The following PLXDC2 variants were observed in gnomAD, a reference collection of about 807,000 sequenced individuals.
The protein encoded by PLXDC2 is plexin domain-containing protein 2.
A neutral mutation model predicts 68.9 loss-of-function variants in PLXDC2; 40 were observed. The ratio of observed to expected loss-of-function variants is 0.58; its 90% CI spans 0.45 to 0.76. PLXDC2 has a LOEUF of 0.76. PLXDC2 is among the 30% of genes least tolerant of loss of function. The pLI is 0.00. For synonymous variants in PLXDC2, 243 were observed against 234.2 expected (o/e 1.04, Z -0.34); for missense variants, 644 against 661.9 (o/e 0.97, Z 0.30).
chr10:19,993,512 C>T (rs1271341075), intron 1 of PLXDC2, among the ~76,000 whole-genome samples: 13 of 152,106 alleles, frequency 8.5e-5, no homozygotes, highest in African/African-American at 9.7e-5. Flanking sequence ...CTCTGCCTCC[C>T]GGGTTCAAGC....
At chr10:19,980,075 C>T (rs980412868) in intron 1 of PLXDC2, among the ~76,000 whole-genome samples, 4 of 152,184 alleles carry the variant, frequency 2.6e-5, no homozygotes, top group Admixed American at 6.5e-5. Context: ...CCTCTGACTT[C>T]GTGTTTCAAT....
intron 1 of PLXDC2, among the ~76,000 whole-genome samples, chr10:19,857,318 G>T (rs1485518728): frequency 6.6e-6 from 1 of 152,000 alleles, no homozygotes; most frequent in Non-Finnish European, 1.5e-5. Context: ...ATCCTCTCTC[G>T]CTGTCCTCTA....
chr10:20,076,699 T>C (rs1836456894), intron 4 of PLXDC2, among the ~76,000 whole-genome samples: 1 of 152,214 alleles, frequency 6.6e-6, no homozygotes, highest in Non-Finnish European at 1.5e-5. Flanking sequence ...TCAAGGAGTG[T>C]TTAGGAACCT....
chr10:19,928,608 G>T (rs1833578010), intron 1 of PLXDC2, among the ~76,000 whole-genome samples: 1 of 152,176 alleles, frequency 6.6e-6, no homozygotes, highest in South Asian at 2.1e-4. Flanking sequence ...AGAGATCCAG[G>T]CCACCCCTTG....
chr10:19,939,691 T>C (rs1833785081), intron 1 of PLXDC2, among the ~76,000 whole-genome samples: 1 of 152,072 alleles, frequency 6.6e-6, no homozygotes, highest in African/African-American at 2.4e-5. Flanking sequence ...TTTGTACCTA[T>C]CCAAAGAAAG....
At chr10:20,013,710 G>T (rs540699536) in intron 2 of PLXDC2, among the ~76,000 whole-genome samples, 87 of 152,164 alleles carry the variant, frequency 5.7e-4, no homozygotes, top group African/African-American at 2.0e-3. Context: ...CAATTCATTT[G>T]TCCATTGTAA....
chr10:19,874,920 T>A lies in PLXDC2; in HGVS notation c.112+57729T>A, dbSNP rs1389298091. ...TGGCACCTGTTCTTCGAGGTTCTTG[T>A]GCAAGGCTAAGGAATGTAACCTACT... is the stretch of plus-strand genomic sequence containing the variant. On this transcript the variant is annotated intron_variant, in intron 1 of 13. Transcript: ENST00000377252. 2.0e-5 allele frequency among the ~76,000 whole-genome samples: 3 copies of A among 152,110 alleles called. No individual in the cohort carries two copies. In the East Asian group the frequency reaches 5.8e-4, roughly 29 times the overall value.
chr10:20,091,978 C>T (rs1046330765), intron 4 of PLXDC2, among the ~76,000 whole-genome samples: 1 of 152,228 alleles, frequency 6.6e-6, no homozygotes, highest in African/African-American at 2.4e-5. Flanking sequence ...ACAGTTAATA[C>T]ATATTCACTG....
At chr10:19,888,045 T>C (rs921988963) in intron 1 of PLXDC2, among the ~76,000 whole-genome samples, 5 of 152,226 alleles carry the variant, frequency 3.3e-5, no homozygotes, top group Non-Finnish European at 1.5e-5. Context: ...ACTCCACTTC[T>C]GACATGCAAG....
rs1837007727 is a variant in PLXDC2 at position 19,846,236 on chromosome 10, G to A, written c.112+29045G>A. Among the ~76,000 whole-genome samples, 3 of 152,126 alleles carry A rather than the reference G, an allele frequency of 2.0e-5. No individual in the cohort carries two copies. The South Asian group carries it at 6.2e-4, about 32-fold the overall frequency. ...AGTAATTTGGATCTGTTAGTGGCAG[G>A]AAAGCTGTTTTTAGGGGAGGAGAAG... On this transcript the variant is annotated intron_variant, in intron 1 of 13. Coordinates refer to ENST00000377252, the MANE Select transcript of PLXDC2 (RefSeq NM_032812.9).
rs375622151 is a variant in PLXDC2 at position 20,177,015 on chromosome 10, A to T, written c.900A>T (p.Thr300=). The change falls in exon 8 of 14, where the codon ACA becomes ACT. Residue 300 remains threonine, a synonymous_variant. Transcript: ENST00000377252. The part of the protein sequence containing the change: ...IQQIPNVRRR[T]IYEYHRVELQ... ...TTTTTCTAGATGTTCGAAGAAGAAC[A>T]ATTTATGAATACCACCGAGTAGAGC... 8.7e-6 allele frequency: 14 copies of T among 1,605,324 alleles called. No homozygotes were observed. The highest frequency in any genetic ancestry group is 1.2e-5 in the Non-Finnish European group (14 of 1,177,096).
chr10:20,050,729 A>C (rs550758109), intron 3 of PLXDC2, among the ~76,000 whole-genome samples: 9 of 152,188 alleles, frequency 5.9e-5, no homozygotes, highest in East Asian at 1.9e-4. Context: ...AACAAACAAA[A>C]AAAAACAGAT....
intron 13 of PLXDC2, among the ~76,000 whole-genome samples, chr10:20,249,946 C>T (rs1835652054): frequency 2.0e-5 from 3 of 152,100 alleles, no homozygotes; most frequent in African/African-American, 7.2e-5. Context: ...AGTTCCTGTG[C>T]TAAACAGCGT....
At chr10:20,065,446 T>C (rs11011770) in intron 3 of PLXDC2, among the ~76,000 whole-genome samples, 54,386 of 151,926 alleles carry the variant, frequency 0.36, 11,298 homozygotes, top group East Asian at 0.7. Context: ...AAGCCCCAAC[T>C]ATTTTGGCAC....
At chr10:19,989,989 C>A (rs555443048) in intron 1 of PLXDC2, among the ~76,000 whole-genome samples, 1 of 152,142 alleles carries the variant, frequency 6.6e-6, no homozygotes, top group Admixed American at 6.5e-5. Context: ...ACCTCCTGAT[C>A]CGCCCGACTC....
intron 3 of PLXDC2, among the ~76,000 whole-genome samples, chr10:20,053,510 C>G (rs759446055): frequency 3.3e-5 from 5 of 152,084 alleles, no homozygotes; most frequent in Non-Finnish European, 5.9e-5. Flanking sequence ...AAGTTTCTGA[C>G]TATAAACCTA....
At chr10:20,220,865 G>A (rs898959739) in intron 12 of PLXDC2, among the ~76,000 whole-genome samples, 2 of 110,726 alleles carry the variant, frequency 1.8e-5, no homozygotes, top group African/African-American at 3.4e-5. Context: ...TTTTGAGACC[G>A]AGTTTCACTT....
Position 20,227,875 on chromosome 10 carries a change from A to G in PLXDC2, c.1312+8773A>G, listed in dbSNP as rs572583617. ...AAGCAATGGTCAGAGGCTAAAAAAA[A>G]GTAGTAGTTGACCATGGGAATAAAA... is the stretch of plus-strand genomic sequence containing the variant. On this transcript the variant is annotated intron_variant, in intron 12 of 13. Transcript: ENST00000377252. 1.6e-3 allele frequency among the ~76,000 whole-genome samples: 246 copies of G among 152,300 alleles called. 1 individual carries two copies. The highest frequency in any genetic ancestry group is 3.1e-3 in the Non-Finnish European group (213 of 68,026).
At chr10:20,264,100 G>A (rs1301774838) in intron 13 of PLXDC2, among the ~76,000 whole-genome samples, 2 of 136,090 alleles carry the variant, frequency 1.5e-5, no homozygotes, top group African/African-American at 5.5e-5. Flanking sequence ...TAAAGAAAAT[G>A]TGGTACATGT....
Sources: allele counts gnomAD v4.1 joint callset (sites outside exome capture counted in the v4.1 genomes callset), GRCh38; gene constraint gnomAD v4.1.1; transcripts MANE v1.5; gene names NCBI Gene and HGNC (gene_info 2026-07-23, HGNC 2026-07-21).